Variants in RIMS1 observed in about 807,000 individuals in gnomAD.
The protein encoded by RIMS1 is regulating synaptic membrane exocytosis 1.
In RIMS1, 83 loss-of-function variants were observed where a neutral mutation model predicts 214.1. The observed-to-expected ratio is 0.39, with a 90% CI of 0.32 to 0.47. RIMS1 has a LOEUF of 0.47. Among genes scored for constraint, RIMS1 ranks in the 20% least tolerant of loss-of-function variants. The pLI, the probability that RIMS1 is intolerant of heterozygous loss-of-function variation, is 0.99. For synonymous variants in RIMS1, 793 were observed against 786.8 expected (o/e 1.01, Z -0.13); for missense variants, 2,050 against 2,161.8 (o/e 0.95, Z 1.03).
chr6:72,235,568 G>A (rs770642004), intron 7 of RIMS1, 50 bp from the exon 8 acceptor site: 1 of 1,124,188 alleles, frequency 8.9e-7, no homozygotes, highest in South Asian at 1.3e-5. Flanking sequence ...ATAGCTGAAT[G>A]CATTACATTC....
At chr6:71,905,004 A>G (rs535160960) in intron 1 of RIMS1, among the ~76,000 whole-genome samples, 4 of 152,276 alleles carry the variant, frequency 2.6e-5, no homozygotes, top group Admixed American at 2.6e-4. Flanking sequence ...AATCTTATAC[A>G]GTATTGAAGA....
intron 19 of RIMS1, chr6:72,261,283 T>C: frequency 8.0e-6 from 8 of 999,636 alleles, no homozygotes; most frequent in Non-Finnish European, 7.2e-6. Context: ...AGCTTCTTTC[T>C]TGATGAAAAG....
At chr6:72,144,858 G>T (rs182745601) in intron 4 of RIMS1, among the ~76,000 whole-genome samples, 6 of 151,724 alleles carry the variant, frequency 4.0e-5, no homozygotes, top group Admixed American at 1.3e-4. Context: ...AATGACAAGT[G>T]TATGATAAGG....
chr6:72,069,089 C>T (rs954449260), intron 2 of RIMS1, among the ~76,000 whole-genome samples: 1 of 152,066 alleles, frequency 6.6e-6, no homozygotes, highest in Non-Finnish European at 1.5e-5. Flanking sequence ...ACAGTGGAGG[C>T]TAACAATGGT....
Position 72,260,553 on chromosome 6 carries a change from T to C in RIMS1, c.3054-152T>C, listed in dbSNP as rs528766696. The C allele has an allele frequency of 1.8e-5, 19 of 1,030,906 alleles. No homozygotes were observed. In the African/African-American group the frequency reaches 2.9e-4, roughly 16 times the overall value. 63.9% of individuals were successfully genotyped at this position (1,030,906 alleles called of 1,614,324 possible). ...TTTATTGTTTAAATTTTTTAAATGCTTTTATGTTTATTTTTGTTTAACCTC... is the reference window on the plus strand; with the variant it reads ...TTTATTGTTTAAATTTTTTAAATGCCTTTATGTTTATTTTTGTTTAACCTC... On this transcript the variant is annotated intron_variant, in intron 18 of 33. Transcript: ENST00000521978.
intron 11 of RIMS1, among the ~76,000 whole-genome samples, chr6:72,246,071 TA>T (rs964958210): frequency 1.3e-4 from 20 of 149,972 alleles, no homozygotes; most frequent in Admixed American, 4.0e-4. Flanking sequence ...TTTATGTGAT[TA>T]AAAAAAAAAT....
chr6:72,389,706 A>T (rs2098671770), intron 29 of RIMS1, among the ~76,000 whole-genome samples: 1 of 152,206 alleles, frequency 6.6e-6, no homozygotes, highest in Non-Finnish European at 1.5e-5. Context: ...GAAAACCAGA[A>T]ATTTATATAG....
chr6:72,049,940 G>A (rs1022354311), intron 2 of RIMS1, among the ~76,000 whole-genome samples: 1 of 152,114 alleles, frequency 6.6e-6, no homozygotes, highest in Non-Finnish European at 1.5e-5. Context: ...AATTGAAGAA[G>A]CCATGATGAA....
rs201903084 is a variant in RIMS1 at position 72,298,192 on chromosome 6, A to G, written c.3850+6146A>G. 4.6e-5 allele frequency among the ~76,000 whole-genome samples: 7 copies of G among 152,050 alleles called. No individual in the cohort carries two copies. In the East Asian group the frequency reaches 1.2e-3, roughly 25 times the overall value. Reference sequence around the variant, plus strand: ...TATTAATTTTACAGCATATGTTTTTAAAGTCACATAAAGAGAAGTGTAAAA... The same window carrying G: ...TATTAATTTTACAGCATATGTTTTTGAAGTCACATAAAGAGAAGTGTAAAA... On this transcript the variant is annotated intron_variant, in intron 26 of 33. Coordinates refer to ENST00000521978, the MANE Select transcript of RIMS1 (RefSeq NM_014989.7).
At chr6:72,140,720 G>T (rs923331433) in intron 4 of RIMS1, among the ~76,000 whole-genome samples, 2 of 151,870 alleles carry the variant, frequency 1.3e-5, no homozygotes, top group Admixed American at 6.6e-5. Context: ...GAAGACATTT[G>T]GATTGCATTT....
At chr6:72,080,707 G>A (rs1020225181) in intron 2 of RIMS1, among the ~76,000 whole-genome samples, 1 of 152,142 alleles carries the variant, frequency 6.6e-6, no homozygotes, top group Non-Finnish European at 1.5e-5. Context: ...AGCCTCACCA[G>A]GTGGGCTCCC....
chr6:72,349,331 A>G (rs1269051024), intron 29 of RIMS1, among the ~76,000 whole-genome samples: 1 of 152,032 alleles, frequency 6.6e-6, no homozygotes, highest in Non-Finnish European at 1.5e-5. Flanking sequence ...ATTTGAAACT[A>G]TGAAGATTCT....
At chr6:72,118,173 G>C (rs1289036906) in intron 4 of RIMS1, among the ~76,000 whole-genome samples, 1 of 150,910 alleles carries the variant, frequency 6.6e-6, no homozygotes, top group Non-Finnish European at 1.5e-5. Flanking sequence ...GGAAAATCTA[G>C]AAGAGATGGA....
At chr6:71,887,219 T>A (rs1185268954) in intron 1 of RIMS1, 32 bp downstream of exon 1, 1 of 1,584,644 alleles carries the variant, frequency 6.3e-7, no homozygotes, top group Admixed American at 1.8e-5. Context: ...CATCCATGCC[T>A]CCGTGCCTCC....
intron 10 of RIMS1, among the ~76,000 whole-genome samples, chr6:72,242,752 A>G (rs2154114644): frequency 6.6e-6 from 1 of 151,990 alleles, no homozygotes; most frequent in East Asian, 1.9e-4. Flanking sequence ...TTCTAATTTA[A>G]TAAGTAGTAT....
chr6:72,170,230 T>A (rs1465553491), intron 4 of RIMS1, among the ~76,000 whole-genome samples: 1 of 152,218 alleles, frequency 6.6e-6, no homozygotes, highest in African/African-American at 2.4e-5. Flanking sequence ...GACTAGCCAA[T>A]TTTATATTGT....
intron 1 of RIMS1, among the ~76,000 whole-genome samples, chr6:71,928,387 T>G (rs1234811182): frequency 6.6e-6 from 1 of 152,152 alleles, no homozygotes; most frequent in African/African-American, 2.4e-5. Context: ...TAGTTTTTCC[T>G]TGTCATTATT....
intron 15 of RIMS1, among the ~76,000 whole-genome samples, chr6:72,251,718 C>CA (rs2073407209): frequency 1.3e-5 from 2 of 151,712 alleles, no homozygotes; most frequent in Non-Finnish European, 2.9e-5. Flanking sequence ...AAGATTTTTT[C>CA]TCCCCCCACC....
intron 17 of RIMS1, 100 bp from the exon 18 acceptor site, chr6:72,258,886 G>T (rs2076906772): frequency 2.7e-6 from 3 of 1,095,012 alleles, no homozygotes; most frequent in Admixed American, 3.5e-5. Context: ...ACTTTTCAGT[G>T]TTTATTTGCA....
Sources: gnomAD v4.1 joint callset for allele counts (sites outside exome capture counted in the v4.1 genomes callset) on GRCh38, gnomAD v4.1.1 for gene constraint, MANE v1.5 for transcripts, NCBI Gene and HGNC (gene_info 2026-07-23, HGNC 2026-07-21) for gene names.